PHC2: variants seen among roughly 807,000 people sequenced by gnomAD.
PHC2 encodes polyhomeotic-like protein 2.
PHC2 carries 29 observed loss-of-function variants against 87.4 expected under a neutral mutation model. The observed-to-expected ratio is 0.33, with a 90% CI of 0.25 to 0.45. PHC2 has a LOEUF of 0.45. PHC2 is among the 20% of genes least tolerant of loss of function. The pLI is 1.00. For synonymous variants in PHC2, 438 were observed against 461.7 expected, an observed-to-expected ratio of 0.95 and a Z score of 0.66; for missense variants, 857 against 1,136.7, an observed-to-expected ratio of 0.75 and a Z score of 3.54.
intron 4 of PHC2, 150 bp from the exon 5 acceptor site, chr1:33,370,735 C>T: frequency 2.5e-6 from 2 of 785,744 alleles, no homozygotes; most frequent in South Asian, 3.6e-5. Flanking sequence ...GGAGCAATCC[C>T]CCAGCCCTGT....
At chr1:33,348,346 C>G (rs764574470) in intron 9 of PHC2, among the ~76,000 whole-genome samples, 12 of 152,288 alleles carry the variant, frequency 7.9e-5, no homozygotes, top group Admixed American at 2.6e-4. Flanking sequence ...CCTCATTAGC[C>G]TGTAATGTTC....
chr1:33,355,304 CTG>C, intron 7 of PHC2, 51 bp from the exon 8 acceptor site: 1 of 1,475,910 alleles, frequency 6.8e-7, no homozygotes, highest in Non-Finnish European at 9.1e-7. Flanking sequence ...TTCTCTTCTG[CTG>C]TGTCTTCCAA....
chr1:33,385,798 AAT>A (rs1557842068), intron 1 of PHC2, among the ~76,000 whole-genome samples: 1 of 149,858 alleles, frequency 6.7e-6, no homozygotes, highest in Non-Finnish European at 1.5e-5. Flanking sequence ...ACAGAATAAA[AAT>A]TTTTTTTTTT....
intron 1 of PHC2, among the ~76,000 whole-genome samples, chr1:33,398,815 C>T (rs1649399450): frequency 6.6e-6 from 1 of 152,126 alleles, no homozygotes; most frequent in Non-Finnish European, 1.5e-5. Context: ...GCACTGGTTT[C>T]TAGGATGGCT....
chr1:33,328,773 A>C (rs1646426224), intron 14 of PHC2, 97 bp downstream of exon 14: 8 of 1,246,860 alleles, frequency 6.4e-6, no homozygotes, highest in African/African-American at 1.5e-5. Context: ...AACCTGAGTC[A>C]TTAACTAAAC....
chr1:33,396,800 G>A (rs1324897021), intron 1 of PHC2, among the ~76,000 whole-genome samples: 1 of 152,182 alleles, frequency 6.6e-6, no homozygotes, highest in Admixed American at 6.5e-5. Context: ...AAAATTTGAG[G>A]TAGAGGCTTT....
At chr1:33,384,156 G>C (rs540979462) in intron 1 of PHC2, among the ~76,000 whole-genome samples, 2 of 152,292 alleles carry the variant, frequency 1.3e-5, no homozygotes, top group South Asian at 2.1e-4. Context: ...CCAAGGCAAG[G>C]CTTCTCAAAA....
chr1:33,422,806 A>G (rs1289818663), intron 1 of PHC2, among the ~76,000 whole-genome samples: 1 of 152,080 alleles, frequency 6.6e-6, no homozygotes, highest in Non-Finnish European at 1.5e-5. Flanking sequence ...AAGAATGAGA[A>G]TAGTCTGAGC....
At chr1:33,329,697 C>A (rs1445323928) in intron 13 of PHC2, among the ~76,000 whole-genome samples, 1 of 152,084 alleles carries the variant, frequency 6.6e-6, no homozygotes, top group Non-Finnish European at 1.5e-5. Flanking sequence ...TTCAGGGAGG[C>A]AAAAAGGTGG....
At position 33,375,576 on chromosome 1, in the gene PHC2, C is replaced by A; in HGVS notation, c.-37G>T. 1 of 1,441,690 alleles carries A rather than the reference C, an allele frequency of 6.9e-7. No individual in the cohort carries two copies. Among genetic ancestry groups the A allele is most frequent in the Non-Finnish European group, 9.2e-7 (1 of 1,085,700 alleles). 89.3% of individuals were successfully genotyped at this position (1,441,690 alleles called of 1,614,324 possible). On this transcript the variant is annotated 5_prime_UTR_variant, in exon 2 of 15. Transcript: ENST00000683057. Reference sequence around the variant, plus strand: ...TGGCGCAGTCAGGGCGCTCGGATGGCAGAAGGGCAGGCAGATGCTAGGAGG... The same window carrying A: ...TGGCGCAGTCAGGGCGCTCGGATGGAAGAAGGGCAGGCAGATGCTAGGAGG...
chr1:33,324,675 GC>G lies in PHC2; in HGVS notation c.*189del. 1 of 520,586 alleles carries G rather than the reference GC, an allele frequency of 1.9e-6. No individual in the cohort carries two copies. Among genetic ancestry groups the G allele is most frequent in the Non-Finnish European group, 3.4e-6 (1 of 297,288 alleles). The allele number at this position is 520,586 out of a possible 1,614,324, so 32.2% of individuals were successfully genotyped here. On this transcript the variant is annotated 3_prime_UTR_variant, in exon 15 of 15. Transcript: ENST00000683057. Reference sequence around the variant, plus strand: ...CATCTTCTGTGCCACCTACCTCTCTGCCCCTCCCACAGAAATGAAAGGCCCC... The same window carrying G: ...CATCTTCTGTGCCACCTACCTCTCTGCCCTCCCACAGAAATGAAAGGCCCC...
chr1:33,375,302 C>T, intron 2 of PHC2, 64 bp downstream of exon 2: 2 of 1,342,872 alleles, frequency 1.5e-6, no homozygotes, highest in Non-Finnish European at 1.0e-6. Flanking sequence ...CATGCCAACA[C>T]CTCCTCCTTG....
intron 1 of PHC2, among the ~76,000 whole-genome samples, chr1:33,398,144 C>G (rs1025631372): frequency 2.0e-5 from 3 of 152,176 alleles, no homozygotes; most frequent in African/African-American, 7.2e-5. Context: ...AACTGAAAAG[C>G]ATTGTGGAAA....
In PHC2 at chr1:33,331,567, C is replaced by CTCCCA. The variant is rs1646498300; in HGVS notation, c.1892-110_1892-106dup. On this transcript the variant is annotated intron_variant, in intron 11 of 14. Coordinates refer to ENST00000683057, the MANE Select transcript of PHC2 (RefSeq NM_001385109.1). The surrounding 1 kb of genome is among the most constrained non-coding windows in gnomAD (Gnocchi z 5.2). ...TACTCCATCCTGCCTGGTCCTCCTG[C>CTCCCA]TCCCACAGCTGTGACATACAGCAGC... 1.0e-5 allele frequency: 7 copies of CTCCCA among 678,744 alleles called. No homozygotes were observed. In the East Asian group the frequency reaches 1.8e-4, roughly 17 times the overall value. The allele number at this position is 678,744 out of a possible 1,614,324, so 42.0% of individuals were successfully genotyped here.
chr1:33,379,865 G>C (rs920920911), intron 1 of PHC2, among the ~76,000 whole-genome samples: 4 of 126,174 alleles, frequency 3.2e-5, no homozygotes, highest in Admixed American at 7.6e-5. Context: ...CCAGTCTCCT[G>C]CCTCTGGCTC....
At chr1:33,379,426 T>G (rs1474193403) in intron 1 of PHC2, among the ~76,000 whole-genome samples, 1 of 21,684 alleles carries the variant, frequency 4.6e-5, no homozygotes, top group South Asian at 3.5e-3. Flanking sequence ...CCTCCCACCA[T>G]TCCCCCTGTC....
chr1:33,379,369 CT>C (rs1375855750), intron 1 of PHC2, among the ~76,000 whole-genome samples: 2 of 58,612 alleles, frequency 3.4e-5, no homozygotes, highest in African/African-American at 7.0e-5. Flanking sequence ...CCCATCCCCC[CT>C]GTCCCCCCCT....
intron 9 of PHC2, chr1:33,347,824 A>G: frequency 1.3e-6 from 1 of 757,022 alleles, no homozygotes; most frequent in Non-Finnish European, 1.6e-6. Context: ...CATCTGCCCG[A>G]CCTTCTGCGA....
Position 33,382,235 on chromosome 1 carries a change from C to G in PHC2, c.-54-6642G>C, listed in dbSNP as rs140593933. On this transcript the variant is annotated intron_variant, in intron 1 of 14. Coordinates refer to ENST00000683057, the MANE Select transcript of PHC2 (RefSeq NM_001385109.1). This position sits in a 1 kb window ranked among gnomAD's most constrained non-coding sequence, Gnocchi z 4.3. ...TATCTCCCCCTTCACACCTTCCTTC[C>G]GCTCAAAGTTCTGGCTGCTGGAGAG... Among the ~76,000 whole-genome samples, 1 of 152,090 alleles carries G rather than the reference C, an allele frequency of 6.6e-6. No individual in the cohort carries two copies. The highest frequency in any genetic ancestry group is 1.5e-5 in the Non-Finnish European group (1 of 68,022).
Sources: allele counts gnomAD v4.1 joint callset (sites outside exome capture counted in the v4.1 genomes callset), GRCh38; gene constraint gnomAD v4.1.1; non-coding constraint Gnocchi (gnomAD v3.1); transcripts MANE v1.5; gene names NCBI Gene and HGNC (gene_info 2026-07-23, HGNC 2026-07-21).